The following MOB1B variants were observed in gnomAD, a reference collection of about 807,000 sequenced individuals.
MOB1B encodes the protein MOB kinase activator 1B, also known as MOB1 Mps One Binder homolog B.
MOB1B carries 19 observed loss-of-function variants against 24.4 expected under a neutral mutation model. That is an observed-to-expected ratio of 0.78 (90% CI 0.54 to 1.14). MOB1B has a LOEUF of 1.14. MOB1B is among the 50% of genes most tolerant of loss of function. The probability of loss-of-function intolerance (pLI) is 0.00; values close to 1 mark genes in which losing one functional copy is unlikely to be tolerated. For synonymous variants in MOB1B, 76 were observed against 82.1 expected, an observed-to-expected ratio of 0.93 and a Z score of 0.40; for missense variants, 243 against 259.6, an observed-to-expected ratio of 0.94 and a Z score of 0.44.
chr4:70,973,063 A>G (rs1237831289), intron 3 of MOB1B, among the ~76,000 whole-genome samples: 7 of 152,098 alleles, frequency 4.6e-5, no homozygotes, highest in African/African-American at 1.4e-4. Context: ...GTGAGCCACC[A>G]CGCCCGGCCT....
intron 3 of MOB1B, among the ~76,000 whole-genome samples, chr4:70,971,401 C>A (rs1738744971): frequency 1.3e-5 from 2 of 150,006 alleles, no homozygotes; most frequent in African/African-American, 4.9e-5. Context: ...GCCACTCAGG[C>A]AGGAGAATCA....
intron 1 of MOB1B, among the ~76,000 whole-genome samples, chr4:70,904,268 GC>G (rs1199382672): frequency 4.1e-4 from 63 of 151,922 alleles, no homozygotes; most frequent in African/African-American, 1.4e-3. Context: ...ACAGACGTGA[GC>G]CCACCGTGCC....
At chr4:70,974,061 T>C (rs1029701434) in intron 3 of MOB1B, among the ~76,000 whole-genome samples, 14 of 152,224 alleles carry the variant, frequency 9.2e-5, no homozygotes, top group Admixed American at 7.8e-4. Context: ...ACTAAAATAC[T>C]AAATGCTAGT....
chr4:70,934,022 T>C (rs1230072440), intron 1 of MOB1B, among the ~76,000 whole-genome samples: 1 of 152,162 alleles, frequency 6.6e-6, no homozygotes, highest in East Asian at 1.9e-4. Context: ...ATCTTGTCTC[T>C]ACAAAGAAGA....
intron 1 of MOB1B, among the ~76,000 whole-genome samples, chr4:70,905,774 TG>T (rs1735712908): frequency 6.6e-6 from 1 of 152,070 alleles, no homozygotes. Context: ...TTTTAAAAGA[TG>T]CACTGTGGGC....
At chr4:70,921,597 G>A (rs116699123) in intron 1 of MOB1B, among the ~76,000 whole-genome samples, 1,749 of 148,530 alleles carry the variant, frequency 0.012, 34 homozygotes, top group African/African-American at 0.041. Context: ...AGCTGAGTGA[G>A]CTTGCAGTTC....
intron 1 of MOB1B, among the ~76,000 whole-genome samples, chr4:70,954,872 G>A (rs375713015): frequency 6.6e-6 from 1 of 151,870 alleles, no homozygotes. Flanking sequence ...TGCAACCTCC[G>A]CCTCCCAGGT....
chr4:70,950,880 A>G (rs2148889803), intron 1 of MOB1B: 3 of 876,454 alleles, frequency 3.4e-6, no homozygotes, highest in Middle Eastern at 2.1e-4. Flanking sequence ...TTCAGTAGTA[A>G]GGTAGGTATT....
chr4:70,938,851 C>T (rs1318734728), intron 1 of MOB1B, among the ~76,000 whole-genome samples: 1 of 149,624 alleles, frequency 6.7e-6, no homozygotes, highest in Non-Finnish European at 1.5e-5. Context: ...AGTCTTGGCT[C>T]ACCACAGCCT....
Position 70,985,522 on chromosome 4 carries a change from TTTTTTA to T in MOB1B, c.*3475_*3480del, listed in dbSNP as rs1394385344. ...ATGACCTTTTTAAATTTTTTTTATTTTTTTTATTTTTATTTCTTTAAGATGGAGTCT... is the reference window on the plus strand; with the variant it reads ...ATGACCTTTTTAAATTTTTTTTATTTTTTTTATTTCTTTAAGATGGAGTCT... On this transcript the variant is annotated 3_prime_UTR_variant, in exon 6 of 6. Coordinates refer to ENST00000309395, the MANE Select transcript of MOB1B (RefSeq NM_173468.4). 1 of 152,130 alleles carries T rather than the reference TTTTTTA, an allele frequency of 6.6e-6. No individual in the cohort carries two copies. The highest frequency in any genetic ancestry group is 1.5e-5 in the Non-Finnish European group (1 of 68,020). The allele number at this position is 152,130 out of a possible 1,614,324, so 9.4% of individuals were successfully genotyped here.
chr4:70,967,072 T>C (rs1423677301), intron 2 of MOB1B, among the ~76,000 whole-genome samples: 1 of 152,168 alleles, frequency 6.6e-6, no homozygotes, highest in East Asian at 1.9e-4. Flanking sequence ...ATAGTAAATG[T>C]TGAAATTTTT....
chr4:70,921,634 C>T (rs1053684478), intron 1 of MOB1B, among the ~76,000 whole-genome samples: 1 of 151,824 alleles, frequency 6.6e-6, no homozygotes, highest in Admixed American at 6.6e-5. Context: ...TCAGGCTCCC[C>T]AGTAGCTGGG....
At chr4:70,933,708 C>A (rs1030775903) in intron 1 of MOB1B, among the ~76,000 whole-genome samples, 2 of 151,756 alleles carry the variant, frequency 1.3e-5, no homozygotes, top group African/African-American at 2.4e-5. Context: ...CCCGCTACCA[C>A]GCCTGGCTAA....
At chr4:70,907,352 A>G (rs116020904) in intron 1 of MOB1B, among the ~76,000 whole-genome samples, 122 of 152,272 alleles carry the variant, frequency 8.0e-4, no homozygotes, top group African/African-American at 2.6e-3. Flanking sequence ...TAATCATTCA[A>G]AAAGTATATT....
intron 1 of MOB1B, among the ~76,000 whole-genome samples, chr4:70,951,953 C>T (rs893480917): frequency 1.3e-5 from 2 of 152,206 alleles, no homozygotes; most frequent in Non-Finnish European, 2.9e-5. Flanking sequence ...AATCTAATAC[C>T]TGTCCTTTAA....
intron 1 of MOB1B, among the ~76,000 whole-genome samples, chr4:70,926,627 T>C (rs1315140024): frequency 6.6e-6 from 1 of 152,192 alleles, no homozygotes; most frequent in Admixed American, 6.6e-5. Context: ...CATAATAAAA[T>C]GAACATTTAT....
chr4:70,928,846 C>T (rs934203899), intron 1 of MOB1B, among the ~76,000 whole-genome samples: 4 of 152,128 alleles, frequency 2.6e-5, no homozygotes, highest in African/African-American at 9.7e-5. Flanking sequence ...CCTTGGCCTC[C>T]CAAAATGCCG....
At chr4:70,936,873 G>A (rs1021671760) in intron 1 of MOB1B, among the ~76,000 whole-genome samples, 3 of 152,090 alleles carry the variant, frequency 2.0e-5, no homozygotes, top group African/African-American at 7.2e-5. Context: ...ATTTGTCTGG[G>A]ATCGAAGTTC....
intron 3 of MOB1B, among the ~76,000 whole-genome samples, chr4:70,970,322 C>A (rs1393757614): frequency 6.6e-6 from 1 of 152,112 alleles, no homozygotes; most frequent in Non-Finnish European, 1.5e-5. Context: ...GGACATTTTT[C>A]TTCTCTCCCA....
Sources: allele counts gnomAD v4.1 joint callset (sites outside exome capture counted in the v4.1 genomes callset), GRCh38; gene constraint gnomAD v4.1.1; transcripts MANE v1.5; gene names NCBI Gene and HGNC (gene_info 2026-07-23, HGNC 2026-07-21).